DOCK8: variants seen among roughly 807,000 people sequenced by gnomAD.
The protein encoded by DOCK8 is dedicator of cytokinesis protein 8.
A neutral mutation model predicts 245.6 loss-of-function variants in DOCK8; 141 were observed. That is an observed-to-expected ratio of 0.57 (90% confidence interval 0.50 to 0.66). DOCK8 has a LOEUF of 0.66. Ranked by LOEUF, DOCK8 falls within the 30% of genes least tolerant of loss-of-function variation. The probability of loss-of-function intolerance (pLI) is 0.00; values close to 1 mark genes in which losing one functional copy is unlikely to be tolerated. For synonymous variants in DOCK8, 1,168 were observed against 970.2 expected (o/e 1.20, Z -3.79); for missense variants, 2,965 against 2,603.4 (o/e 1.14, Z -3.02).
chr9:382,437 C>G, intron 21 of DOCK8, 76 bp from the exon 22 acceptor site: 1 of 1,598,588 alleles, frequency 6.3e-7, no homozygotes, highest in Non-Finnish European at 8.5e-7. Flanking sequence ...CCCTATCCCT[C>G]TTCAATTCCT....
intron 2 of DOCK8, among the ~76,000 whole-genome samples, chr9:276,471 A>C (rs1011410898): frequency 1.3e-5 from 2 of 152,224 alleles, no homozygotes; most frequent in Non-Finnish European, 2.9e-5. Flanking sequence ...ATGTGTATAA[A>C]CATTTTCTAA....
chr9:358,928 G>A (rs2052583893), intron 14 of DOCK8, among the ~76,000 whole-genome samples: 1 of 152,168 alleles, frequency 6.6e-6, no homozygotes. Flanking sequence ...GAATCACAAT[G>A]AACGATAAGA....
At chr9:313,577 C>T (rs989378919) in intron 6 of DOCK8, among the ~76,000 whole-genome samples, 7 of 152,084 alleles carry the variant, frequency 4.6e-5, no homozygotes, top group African/African-American at 1.7e-4. Flanking sequence ...CTCATAGAAA[C>T]AGAGTAGAAA....
At chr9:377,247 G>GAGCA (rs2053558591) in intron 20 of DOCK8, 36 bp downstream of exon 20, 1 of 1,526,180 alleles carries the variant, frequency 6.6e-7, no homozygotes, top group Non-Finnish European at 8.8e-7. Flanking sequence ...GAGGAGGCAG[G>GAGCA]AGCAAGCAAG....
chr9:334,669 C>T (rs1266740631), intron 11 of DOCK8, among the ~76,000 whole-genome samples: 2 of 151,622 alleles, frequency 1.3e-5, no homozygotes, highest in East Asian at 3.9e-4. Flanking sequence ...CACCCGCTCT[C>T]AAAAGTAAAA....
At chr9:443,786 G>A (rs2057165146) in intron 43 of DOCK8, among the ~76,000 whole-genome samples, 1 of 152,094 alleles carries the variant, frequency 6.6e-6, no homozygotes, top group African/African-American at 2.4e-5. Context: ...ATTTCATCCT[G>A]CAACGACCCC....
chr9:232,833 T>C lies in DOCK8; in HGVS notation c.53+17804T>C, dbSNP rs1067299. On this transcript the variant is annotated intron_variant, in intron 1 of 47. Transcript: ENST00000432829. ...TAGCGGTCTATCAATTTTGTTGATC[T>C]TTTCAAAAAACCAGCTCCTGGATTC... Among the ~76,000 whole-genome samples, 382 of 152,072 alleles carry C rather than the reference T, an allele frequency of 2.5e-3. 1 individual carries two copies. The highest frequency in any genetic ancestry group is 8.2e-3 in the African/African-American group (339 of 41,496).
At chr9:287,763 T>C (rs144502966) in intron 3 of DOCK8, among the ~76,000 whole-genome samples, 1 of 152,360 alleles carries the variant, frequency 6.6e-6, no homozygotes, top group African/African-American at 2.4e-5. Context: ...GGTATGACTT[T>C]AGTATAAGTT....
intron 2 of DOCK8, among the ~76,000 whole-genome samples, chr9:275,904 T>G (rs2048328808): frequency 6.7e-6 from 1 of 148,732 alleles, no homozygotes; most frequent in South Asian, 2.1e-4. Flanking sequence ...TTACTTTTTT[T>G]TTTTGTAATG....
intron 26 of DOCK8, among the ~76,000 whole-genome samples, chr9:400,930 AACAT>A (rs2055006603): frequency 8.5e-5 from 1 of 11,712 alleles, no homozygotes; most frequent in Non-Finnish European, 1.3e-4. Context: ...CCATCACCAC[AACAT>A]CCACCACCAC....
rs747088594 is a variant in DOCK8 at position 215,018 on chromosome 9, C to G, written c.42C>G (p.Leu14=). 6.3e-7 allele frequency: 1 copy of G among 1,590,102 alleles called. No individual in the cohort carries two copies. Among genetic ancestry groups the G allele is most frequent in the East Asian group, 2.3e-5 (1 of 43,640 alleles). The part of the protein sequence containing the change: ...LPSAERRAFA[L]KINRYSSAEI... ...GCGCAGAGCGCCGCGCGTTCGCGCT[C>G]AAGATCAACAGGTAAGACGCCCCCC... The change falls in exon 1 of 48, where the codon CTC becomes CTG. Residue 14 remains leucine, a synonymous_variant. Transcript: ENST00000432829.
chr9:215,338 T>TC (rs772216258), intron 1 of DOCK8: 42 of 1,602,402 alleles, frequency 2.6e-5, no homozygotes, highest in Non-Finnish European at 3.5e-5. Context: ...GGTGGCCGGG[T>TC]CCCAGAAGGG....
At chr9:348,827 G>A (rs2052023982) in intron 14 of DOCK8, among the ~76,000 whole-genome samples, 1 of 152,168 alleles carries the variant, frequency 6.6e-6, no homozygotes, top group South Asian at 2.1e-4. Flanking sequence ...GGGAAGTTGT[G>A]GGGGACGCTA....
At chr9:232,322 A>T (rs1263968163) in intron 1 of DOCK8, among the ~76,000 whole-genome samples, 1 of 152,180 alleles carries the variant, frequency 6.6e-6, no homozygotes, top group South Asian at 2.1e-4. Context: ...GTATTTTTAC[A>T]TCAATGTTCA....
chr9:373,821 C>A (rs895753059), intron 18 of DOCK8, among the ~76,000 whole-genome samples: 1 of 152,200 alleles, frequency 6.6e-6, no homozygotes, highest in African/African-American at 2.4e-5. Context: ...ACAGACATTT[C>A]CCTGATTGGT....
At chr9:325,613 G>A in intron 7 of DOCK8, 58 bp from the exon 8 acceptor site, 1 of 1,497,272 alleles carries the variant, frequency 6.7e-7, no homozygotes, top group East Asian at 2.3e-5. Flanking sequence ...GGTGTTTTCA[G>A]AAAATTCAAA....
chr9:390,325 C>T (rs1403029959), intron 23 of DOCK8, 146 bp from the exon 24 acceptor site: 4 of 753,844 alleles, frequency 5.3e-6, no homozygotes, highest in South Asian at 1.5e-5. Context: ...CTTTGCCATC[C>T]ACCACTTACT....
At chr9:438,192 T>C (rs1367070442) in intron 39 of DOCK8, among the ~76,000 whole-genome samples, 2 of 152,238 alleles carry the variant, frequency 1.3e-5, no homozygotes. Context: ...TCACATGATC[T>C]TGCTAACCAG....
At chr9:400,880 TCCA>T (rs1191716932) in intron 26 of DOCK8, among the ~76,000 whole-genome samples, 1 of 36,730 alleles carries the variant, frequency 2.7e-5, no homozygotes, top group East Asian at 1.2e-3. Context: ...CACCACCACC[TCCA>T]CCACCACCAC....
Sources: allele counts gnomAD v4.1 joint callset (sites outside exome capture counted in the v4.1 genomes callset), GRCh38; gene constraint gnomAD v4.1.1; transcripts MANE v1.5; gene names NCBI Gene and HGNC (gene_info 2026-07-23, HGNC 2026-07-21).